The following GTPBP10 variants were observed in gnomAD, a reference collection of about 807,000 sequenced individuals.
The protein encoded by GTPBP10 is GTP binding protein 10, also known as GTP-binding protein 10.
Under a neutral mutation model 44.8 loss-of-function variants are expected in GTPBP10, and 38 were observed. The ratio of observed to expected loss-of-function variants is 0.85; its 90% CI spans 0.65 to 1.11. GTPBP10 has a LOEUF of 1.11. GTPBP10 is among the 50% of genes most tolerant of loss of function. The pLI is 0.00. For missense variants in GTPBP10, 462 were observed against 453.7 expected (o/e 1.02, Z -0.17); for synonymous variants, 152 against 150.6 (o/e 1.01, Z -0.07).
chr7:90,369,503 C>T (rs1002775404), intron 4 of GTPBP10, among the ~76,000 whole-genome samples: 1 of 152,190 alleles, frequency 6.6e-6, no homozygotes, highest in Non-Finnish European at 1.5e-5. Context: ...ACAAAACCGC[C>T]TCCTCAAGCC....
Position 90,362,564 on chromosome 7 carries a change from A to C in GTPBP10, c.464+7334A>C, listed in dbSNP as rs186416582. ...TGCTTTACTTCCAACTATGTGGTCA[A>C]TTTTGGATTAAGTGCGGTGTGGTGC... On this transcript the variant is annotated intron_variant, in intron 4 of 9. Coordinates refer to ENST00000222511, the MANE Select transcript of GTPBP10 (RefSeq NM_033107.4). 3.4e-3 allele frequency among the ~76,000 whole-genome samples: 513 copies of C among 152,258 alleles called. 5 individuals carry two copies. The highest frequency in any genetic ancestry group is 0.012 in the African/African-American group (494 of 41,540).
intron 4 of GTPBP10, among the ~76,000 whole-genome samples, chr7:90,360,439 C>G (rs1795994619): frequency 6.6e-6 from 1 of 152,122 alleles, no homozygotes; most frequent in South Asian, 2.1e-4. Flanking sequence ...TGTCAAAGAT[C>G]AGATGGTTGA....
intron 8 of GTPBP10, among the ~76,000 whole-genome samples, chr7:90,378,543 A>G (rs553665343): frequency 4.6e-5 from 7 of 151,980 alleles, no homozygotes; most frequent in East Asian, 1.9e-4. Context: ...CTACTCTTAC[A>G]CTATTTCTCC....
intron 4 of GTPBP10, among the ~76,000 whole-genome samples, chr7:90,357,874 T>A (rs1393300963): frequency 6.6e-6 from 1 of 152,150 alleles, no homozygotes; most frequent in Non-Finnish European, 1.5e-5. Context: ...TATCTGGTAT[T>A]TCTTCATGTA....
chr7:90,378,124 T>C lies in GTPBP10; in HGVS notation c.700-10T>C, dbSNP rs1796374222. On this transcript the variant is annotated splice_polypyrimidine_tract_variant and intron_variant, in intron 7 of 9. Transcript: ENST00000222511. The stretch of plus-strand genomic sequence containing the variant: ...GTTAAAGGCTGTCTCTTTCCTTCTC[T>C]TTTTTTTAGGTTGATATTTCTGGAT... The C allele has an allele frequency of 6.3e-7, 1 of 1,596,848 alleles. No homozygotes were observed. Among genetic ancestry groups the C allele is most frequent in the African/African-American group, 1.3e-5 (1 of 74,444 alleles).
chr7:90,362,868 A>G (rs1796054617), intron 4 of GTPBP10, among the ~76,000 whole-genome samples: 1 of 152,084 alleles, frequency 6.6e-6, no homozygotes. Context: ...TGTTGAATTG[A>G]TCCCTTTACC....
intron 4 of GTPBP10, among the ~76,000 whole-genome samples, chr7:90,355,432 A>G (rs1360760658): frequency 6.6e-6 from 1 of 152,184 alleles, no homozygotes; most frequent in Non-Finnish European, 1.5e-5. Flanking sequence ...TATTTATAAA[A>G]TTAAGACCAG....
At position 90,355,077 on chromosome 7, in the gene GTPBP10, CT is replaced by C; in HGVS notation, c.320-4del. The C allele has an allele frequency of 6.5e-7, 1 of 1,528,632 alleles. No individual in the cohort carries two copies. Among genetic ancestry groups the C allele is most frequent in the Non-Finnish European group, 8.9e-7 (1 of 1,119,260 alleles). 94.7% of individuals were successfully genotyped at this position (1,528,632 alleles called of 1,614,324 possible). ...CTTTGCTGTAAGTATTTCTCTCCCT[CT>C]TTTTAAGGAGAACTCAATAAAGAAA... On this transcript the variant is annotated splice_polypyrimidine_tract_variant and splice_region_variant and intron_variant, in intron 3 of 9. Transcript: ENST00000222511.
chr7:90,376,459 C>G (rs1796346293), intron 6 of GTPBP10, among the ~76,000 whole-genome samples: 1 of 152,098 alleles, frequency 6.6e-6, no homozygotes, highest in Non-Finnish European at 1.5e-5. Context: ...AATACTGGCA[C>G]AAAATGAGAT....
In GTPBP10 at chr7:90,388,279, TTAAG is replaced by T. The variant is rs1279646874; in HGVS notation, c.*3130_*3133del. 1 of 152,228 alleles carries T rather than the reference TTAAG, an allele frequency of 6.6e-6. No homozygotes were observed. Among genetic ancestry groups the T allele is most frequent in the Non-Finnish European group, 1.5e-5 (1 of 68,032 alleles). The allele number at this position is 152,228 out of a possible 1,614,324, so 9.4% of individuals were successfully genotyped here. A position where few individuals can be genotyped will look rare whatever the true frequency, so the allele number is the denominator to read the frequency against. On this transcript the variant is annotated 3_prime_UTR_variant, in exon 10 of 10. Coordinates refer to ENST00000222511, the MANE Select transcript of GTPBP10 (RefSeq NM_033107.4). ...ATCTCAGATGCATTTTATTTTGTCC[TTAAG>T]TAAGACTTTTCATTTTTACCTTTCA... is the stretch of plus-strand genomic sequence containing the variant.
In GTPBP10 at chr7:90,355,117, G is replaced by T. The variant is rs560705073; in HGVS notation, c.351G>T (p.Leu117Phe). The T allele has an allele frequency of 6.3e-6, 10 of 1,588,980 alleles. No individual in the cohort carries two copies. In the South Asian group the frequency reaches 1.0e-4, roughly 16 times the overall value. The change falls in exon 4 of 10, where the codon TTG (leucine) becomes TTT (phenylalanine). Residue 117 changes from leucine to phenylalanine, a missense_variant. By Grantham distance (22) the Leu-to-Phe change is conservative. Transcript: ENST00000222511. The stretch of plus-strand genomic sequence containing the variant: ...TCAATAAAGAAAATGACAGAATTTT[G>T]GTAGCTCAAGGAGGTCTTGGTGGTA... ...GELNKENDRI[L>F]VAQGGLGGKL...
intron 4 of GTPBP10, among the ~76,000 whole-genome samples, chr7:90,356,967 T>C (rs781644928): frequency 3.9e-5 from 6 of 152,218 alleles, no homozygotes; most frequent in Non-Finnish European, 8.8e-5. Context: ...AAAAGATTTT[T>C]AAGTGGAATG....
intron 1 of GTPBP10, among the ~76,000 whole-genome samples, chr7:90,349,036 A>G (rs1311776816): frequency 1.3e-5 from 2 of 151,624 alleles, no homozygotes; most frequent in Non-Finnish European, 2.9e-5. Context: ...TCCTTTACCC[A>G]CTTTCCCGCC....
intron 4 of GTPBP10, among the ~76,000 whole-genome samples, chr7:90,367,848 GTTAA>G (rs1450615018): frequency 6.6e-6 from 1 of 152,122 alleles, no homozygotes; most frequent in Non-Finnish European, 1.5e-5. Flanking sequence ...TATTTTGCCC[GTTAA>G]TTGATGCAGT....
rs1469831471 is a variant in GTPBP10 at position 90,378,206 on chromosome 7, A to G, written c.772A>G (p.Thr258Ala). ...AGCTTTTGAAACCATAATACTGCTT[A>G]CAAAAGTAGGTTTTCTGTTTTACTG... ...RTAFETIILL[T>A]KELELYKEEL... The change falls in exon 8 of 10, where the codon ACA (threonine) becomes GCA (alanine). Residue 258 changes from threonine (T) to alanine (A), a missense_variant. By Grantham distance (58) the Thr-to-Ala change is moderately conservative. Transcript: ENST00000222511. 1.2e-6 allele frequency: 2 copies of G among 1,611,768 alleles called. No individual in the cohort carries two copies. The highest frequency in any genetic ancestry group is 4.5e-5 in the East Asian group (2 of 44,712).
chr7:90,357,850 A>G (rs1795935371), intron 4 of GTPBP10, among the ~76,000 whole-genome samples: 1 of 152,156 alleles, frequency 6.6e-6, no homozygotes, highest in African/African-American at 2.4e-5. Flanking sequence ...AGCCTTTAAA[A>G]TGAGCATGTA....
chr7:90,366,596 T>C (rs919841687), intron 4 of GTPBP10, among the ~76,000 whole-genome samples: 1 of 152,194 alleles, frequency 6.6e-6, no homozygotes, highest in African/African-American at 2.4e-5. Flanking sequence ...TGATGGTAAT[T>C]TGTATTTCTG....
intron 2 of GTPBP10, chr7:90,353,226 C>G (rs1795828983): frequency 2.5e-6 from 1 of 396,990 alleles, no homozygotes; most frequent in Admixed American, 4.1e-5. Flanking sequence ...TTCCCAATGT[C>G]TATCTGTATT....
chr7:90,352,750 A>T lies in GTPBP10; in HGVS notation c.34-66A>T, dbSNP rs538799246. On this transcript the variant is annotated intron_variant, in intron 1 of 9. Coordinates refer to ENST00000222511, the MANE Select transcript of GTPBP10 (RefSeq NM_033107.4). The stretch of plus-strand genomic sequence containing the variant: ...AGAAGAAGTTTTAGTGGAAGAAAGA[A>T]CTAGAAAAAGGTTCTAAGGTGATAC... 4.1e-6 allele frequency: 5 copies of T among 1,223,244 alleles called. No homozygotes were observed. In the South Asian group the frequency reaches 9.6e-5, roughly 23 times the overall value. The allele number at this position is 1,223,244 out of a possible 1,614,324, so 75.8% of individuals were successfully genotyped here.
Sources: gnomAD v4.1 joint callset for allele counts (sites outside exome capture counted in the v4.1 genomes callset) on GRCh38, gnomAD v4.1.1 for gene constraint, MANE v1.5 for transcripts, NCBI Gene and HGNC (gene_info 2026-07-23, HGNC 2026-07-21) for gene names.